BCL10: variants seen among roughly 807,000 people sequenced by gnomAD.
BCL10 encodes the protein B-cell lymphoma/leukemia 10.
In BCL10, 5 loss-of-function variants were observed where a neutral mutation model predicts 19.2. That is an observed-to-expected ratio of 0.26 (90% CI 0.14 to 0.55). The LOEUF (loss-of-function observed/expected upper bound fraction) is 0.55, where lower values mean the gene tolerates loss of function less well. Among genes scored for constraint, BCL10 ranks in the 20% least tolerant of loss-of-function variants. The pLI, the probability that BCL10 is intolerant of heterozygous loss-of-function variation, is 0.94. For synonymous variants in BCL10, 110 were observed against 98.8 expected (o/e 1.11, Z -0.67); for missense variants, 201 against 271.9 (o/e 0.74, Z 1.83).
chr1:85,276,227 C>A lies in BCL10; in HGVS notation c.57+69G>T, dbSNP rs541676964. On this transcript the variant is annotated intron_variant, in intron 1 of 2. Transcript: ENST00000648566. ...ATCCTCCTTGTCCTCGGACTCCAGGCTTCCGCTTTCGTCTCCCGCTGGGCT... is the reference window on the plus strand; with the variant it reads ...ATCCTCCTTGTCCTCGGACTCCAGGATTCCGCTTTCGTCTCCCGCTGGGCT... The A allele has an allele frequency of 9.8e-5, 154 of 1,572,236 alleles. 1 individual carries two copies. The Admixed American group carries it at 2.4e-3, about 24-fold the overall frequency.
In BCL10 at chr1:85,267,579, C is replaced by A; in HGVS notation, c.*48G>T. 6.9e-7 allele frequency: 1 copy of A among 1,450,070 alleles called. No homozygotes were observed. Among genetic ancestry groups the A allele is most frequent in the East Asian group, 2.3e-5 (1 of 43,728 alleles). 89.8% of individuals were successfully genotyped at this position (1,450,070 alleles called of 1,614,324 possible). A position where few individuals can be genotyped will look rare whatever the true frequency, so the allele number is the denominator to read the frequency against. Reference sequence around the variant, plus strand: ...CAGCCATTTTATAAAAAGTCATATTCTTTAAAACATTTTTTGTCATCATTA... The same window carrying A: ...CAGCCATTTTATAAAAAGTCATATTATTTAAAACATTTTTTGTCATCATTA... On this transcript the variant is annotated 3_prime_UTR_variant, in exon 3 of 3. Transcript: ENST00000648566.
Position 85,267,773 on chromosome 1 carries a change from T to C in BCL10, c.556A>G (p.Ile186Val). 1.2e-6 allele frequency: 2 copies of C among 1,614,190 alleles called. No individual in the cohort carries two copies. The highest frequency in any genetic ancestry group is 1.7e-6 in the Non-Finnish European group (2 of 1,180,034). ...CTGGGAAGTGTAGTTGAAGAGAAGA[T>C]GGTATTTTCAGTTCTGCCTACTTCT... Reference protein sequence around the residue: ...VLEVGRTENTIFSSTTLPRPG... With the variant: ...VLEVGRTENTVFSSTTLPRPG... The change falls in exon 3 of 3, where the codon ATC becomes GTC. Residue 186 changes from isoleucine (I) to valine (V), a missense_variant. Coordinates refer to ENST00000648566, the MANE Select transcript of BCL10 (RefSeq NM_003921.5).
At chr1:85,272,836 C>G (rs914203875) in intron 1 of BCL10, among the ~76,000 whole-genome samples, 5 of 152,108 alleles carry the variant, frequency 3.3e-5, no homozygotes, top group African/African-American at 1.2e-4. Context: ...ATGAAGGCCA[C>G]GCATAGTCTC....
At chr1:85,269,121 G>C (rs1660290368) in intron 2 of BCL10, among the ~76,000 whole-genome samples, 1 of 152,142 alleles carries the variant, frequency 6.6e-6, no homozygotes, top group Non-Finnish European at 1.5e-5. Context: ...TCACACTCTT[G>C]CCCTCCCTTG....
chr1:85,276,179 T>A, intron 1 of BCL10, 117 bp downstream of exon 1: 1 of 1,334,818 alleles, frequency 7.5e-7, no homozygotes, highest in South Asian at 1.2e-5. Context: ...GTGCTAGGAC[T>A]TTCCGCTCCT....
rs941758390 is a variant in BCL10, at chr1:85,266,321, T to C, written c.*1306A>G. 9 of 185,562 alleles carry C rather than the reference T, an allele frequency of 4.9e-5. No homozygotes were observed. Among genetic ancestry groups the C allele is most frequent in the Non-Finnish European group, 9.1e-5 (8 of 87,636 alleles). The allele number at this position is 185,562 out of a possible 1,614,324, so 11.5% of individuals were successfully genotyped here. A position where few individuals can be genotyped will look rare whatever the true frequency, so the allele number is the denominator to read the frequency against. Reference sequence around the variant, plus strand: ...TTTTGCAATTAATAATAGAAATATATAGGAGACAATGTCAGGAAACAGATA... The same window carrying C: ...TTTTGCAATTAATAATAGAAATATACAGGAGACAATGTCAGGAAACAGATA... On this transcript the variant is annotated 3_prime_UTR_variant, in exon 3 of 3. Transcript: ENST00000648566.
rs1240160400 is a variant in BCL10, at chr1:85,270,674, T to C, written c.290A>G (p.Gln97Arg). ...RREKTQNFLI[Q>R]KITDEVLKLR... ...TTTCAGCACTTCATCTGTAATCTTC[T>C]GTATCAGGAAGTTCTGTGTTTTTTC... The change falls in exon 2 of 3, where the codon CAG becomes CGG. Residue 97 changes from glutamine (Q) to arginine (R), a missense_variant. Coordinates refer to ENST00000648566, the MANE Select transcript of BCL10 (RefSeq NM_003921.5). 3.1e-6 allele frequency: 5 copies of C among 1,612,912 alleles called. No individual in the cohort carries two copies. The highest frequency in any genetic ancestry group is 4.2e-6 in the Non-Finnish European group (5 of 1,179,680).
chr1:85,276,465 G>C lies in BCL10; in HGVS notation c.-113C>G, dbSNP rs1660536311. ...ATGGGGAAGAAGGAGAGGAGGCGGAGCGGGTCGGGAGAAAGACGGCCGCCC... is the reference window on the plus strand; with the variant it reads ...ATGGGGAAGAAGGAGAGGAGGCGGACCGGGTCGGGAGAAAGACGGCCGCCC... On this transcript the variant is annotated 5_prime_UTR_variant, in exon 1 of 3. Transcript: ENST00000648566. 3 of 1,275,538 alleles carry C rather than the reference G, an allele frequency of 2.4e-6. No individual in the cohort carries two copies. Among genetic ancestry groups the C allele is most frequent in the Non-Finnish European group, 3.4e-6 (3 of 892,646 alleles). 79.0% of individuals were successfully genotyped at this position (1,275,538 alleles called of 1,614,324 possible). A position where few individuals can be genotyped will look rare whatever the true frequency, so the allele number is the denominator to read the frequency against.
In BCL10 at chr1:85,267,810, A is replaced by G. The variant is rs1443118949; in HGVS notation, c.519T>C (p.Asn173=). ...TPFFSTNSSL[N]LPVLEVGRTE... is the part of the protein sequence containing the mutation. ...TTCTGCCTACTTCTAGAACAGGCAA[A>G]TTCAGAGAAGAATTAGTAGAAAAAA... The change falls in exon 3 of 3, where the codon AAT becomes AAC. Residue 173 remains asparagine (N), a synonymous_variant. Coordinates refer to ENST00000648566, the MANE Select transcript of BCL10 (RefSeq NM_003921.5). 6.2e-7 allele frequency: 1 copy of G among 1,614,226 alleles called. No individual in the cohort carries two copies. Among genetic ancestry groups the G allele is most frequent in the Admixed American group, 1.7e-5 (1 of 60,024 alleles).
At chr1:85,274,310 G>T (rs139900259) in intron 1 of BCL10, among the ~76,000 whole-genome samples, 1 of 152,310 alleles carries the variant, frequency 6.6e-6, no homozygotes, top group East Asian at 1.9e-4. Flanking sequence ...TGTTTCAGTT[G>T]AATGCAAAAC....
At chr1:85,270,484 G>A (rs1326175263) in intron 2 of BCL10, 134 bp downstream of exon 2, 1 of 757,372 alleles carries the variant, frequency 1.3e-6, no homozygotes, top group Non-Finnish European at 2.1e-6. Context: ...TGTTGCCCAG[G>A]CTGGTCTCAA....
At chr1:85,272,723 C>T (rs1244507682) in intron 1 of BCL10, among the ~76,000 whole-genome samples, 3 of 152,008 alleles carry the variant, frequency 2.0e-5, no homozygotes, top group Non-Finnish European at 4.4e-5. Context: ...AGAGCTGGGC[C>T]AAGTTACTTC....
chr1:85,272,766 A>C (rs538222724), intron 1 of BCL10, among the ~76,000 whole-genome samples: 3 of 152,256 alleles, frequency 2.0e-5, no homozygotes, highest in African/African-American at 7.2e-5. Context: ...TTATTGATAA[A>C]ATAAGGATTA....
At chr1:85,270,339 C>T (rs151265864) in intron 2 of BCL10, among the ~76,000 whole-genome samples, 81 of 152,360 alleles carry the variant, frequency 5.3e-4, no homozygotes, top group African/African-American at 1.8e-3. Context: ...GTAGCACAAT[C>T]ATGGCTCACT....
Position 85,267,926 on chromosome 1 carries a change from TG to T in BCL10, c.402del (p.Arg135AspfsTer13). On this transcript the variant is annotated frameshift_variant, in exon 3 of 3. Coordinates refer to ENST00000648566, the MANE Select transcript of BCL10 (RefSeq NM_003921.5). LOFTEE classifies it high-confidence loss of function. Reference protein sequence around the residue: ...PFPDGATNNLSRSNSDESNFS... With the variant: ...PFPDGATNNLXRSNSDESNFS... ...AAATTACTCTCATCTGAATTTGATC[TG>T]GAGAGGTTGTTCGTGGCTCCATCTG... is the stretch of plus-strand genomic sequence containing the variant. 1 of 1,610,002 alleles carries T rather than the reference TG, an allele frequency of 6.2e-7. No homozygotes were observed. The highest frequency in any genetic ancestry group is 8.5e-7 in the Non-Finnish European group (1 of 1,177,664).
At position 85,267,927 on chromosome 1, in the gene BCL10, G is replaced by T. The variant is rs745885764; in HGVS notation, c.402C>A (p.Ser134=). 1.4e-5 allele frequency: 22 copies of T among 1,609,522 alleles called. No individual in the cohort carries two copies. The East Asian group carries it at 4.5e-4, about 33-fold the overall frequency. ...PFPDGATNNL[S]RSNSDESNFS... ...AATTACTCTCATCTGAATTTGATCT[G>T]GAGAGGTTGTTCGTGGCTCCATCTG... is the stretch of plus-strand genomic sequence containing the variant. The change falls in exon 3 of 3, where the codon TCC becomes TCA. Residue 134 remains serine, a synonymous_variant. Coordinates refer to ENST00000648566, the MANE Select transcript of BCL10 (RefSeq NM_003921.5).
chr1:85,274,260 C>T (rs1660447553), intron 1 of BCL10, among the ~76,000 whole-genome samples: 1 of 152,206 alleles, frequency 6.6e-6, no homozygotes, highest in African/African-American at 2.4e-5. Context: ...TTTTAGCCAA[C>T]ACTGTATATC....
chr1:85,270,382 C>T lies in BCL10; in HGVS notation c.346+236G>A, dbSNP rs551478032. On this transcript the variant is annotated intron_variant, in intron 2 of 2. Transcript: ENST00000648566. ...CAATGTCCCAGGCTTAAGTGATCCT[C>T]CCACCTCAGCCTCCTGAGTAGCTGG... Among the ~76,000 whole-genome samples the T allele has an allele frequency of 8.5e-5, 13 of 152,344 alleles. No homozygotes were observed. In the South Asian group the frequency reaches 1.4e-3, roughly 17 times the overall value.
intron 2 of BCL10, 125 bp downstream of exon 2, chr1:85,270,493 A>T: frequency 1.1e-6 from 1 of 874,828 alleles, no homozygotes; most frequent in Non-Finnish European, 1.7e-6. Flanking sequence ...GGCTGGTCTC[A>T]AAACTCCTGA....
Sources: allele counts gnomAD v4.1 joint callset (sites outside exome capture counted in the v4.1 genomes callset), GRCh38; gene constraint gnomAD v4.1.1; transcripts MANE v1.5; gene names NCBI Gene and HGNC (gene_info 2026-07-23, HGNC 2026-07-21).